CNIH3: variants seen among roughly 807,000 people sequenced by gnomAD.
The protein encoded by CNIH3 is cornichon family AMPA receptor auxiliary protein 3.
A neutral mutation model predicts 24.1 loss-of-function variants in CNIH3; 14 were observed. The observed-to-expected ratio is 0.58, with a 90% CI of 0.38 to 0.91. CNIH3 has a LOEUF of 0.91. Among genes scored for constraint, CNIH3 ranks in the 40% least tolerant of loss-of-function variants. The pLI, the probability that CNIH3 is intolerant of heterozygous loss-of-function variation, is 0.00. For missense variants in CNIH3, 178 were observed against 196.8 expected, an observed-to-expected ratio of 0.90 and a Z score of 0.57; for synonymous variants, 68 against 73.8, an observed-to-expected ratio of 0.92 and a Z score of 0.40.
At chr1:224,724,108 T>G (rs1172170924) in intron 3 of CNIH3, among the ~76,000 whole-genome samples, 1 of 152,236 alleles carries the variant, frequency 6.6e-6, no homozygotes, top group Non-Finnish European at 1.5e-5. Flanking sequence ...TATTCTGTGT[T>G]AAGTTGCTTA....
At chr1:224,632,822 A>C (rs2125080754) in intron 1 of CNIH3, among the ~76,000 whole-genome samples, 2 of 152,286 alleles carry the variant, frequency 1.3e-5, no homozygotes, top group South Asian at 4.1e-4. Flanking sequence ...AAATGTGTTC[A>C]GTTTTGACAT....
At position 224,679,465 on chromosome 1, in the gene CNIH3, G is replaced by T. The variant is rs543977773; in HGVS notation, c.82-1493G>T. Among the ~76,000 whole-genome samples the T allele has an allele frequency of 1.9e-3, 295 of 152,346 alleles. 1 individual carries two copies. Among genetic ancestry groups the T allele is most frequent in the Non-Finnish European group, 2.9e-3 (200 of 68,030 alleles). On this transcript the variant is annotated intron_variant, in intron 1 of 5. Transcript: ENST00000272133. ...TAGTTTGCTGACCCTGGCTTAGGCT[G>T]TGGGTGGAAGCTTCAGGGAGTCATA...
chr1:224,696,753 T>A (rs1203811679), intron 3 of CNIH3, among the ~76,000 whole-genome samples: 2 of 148,976 alleles, frequency 1.3e-5, no homozygotes, highest in Non-Finnish European at 3.0e-5. Context: ...TTGGTTGTTA[T>A]GTGCTGAAGG....
chr1:224,480,056 G>T (rs1348924417), intron 1 of CNIH3, among the ~76,000 whole-genome samples: 2 of 152,114 alleles, frequency 1.3e-5, no homozygotes, highest in Non-Finnish European at 2.9e-5. Context: ...CTTCTGTCTG[G>T]GTATCCAGGT....
At chr1:224,589,442 A>G (rs1572535689), downstream of CNIH3, among the ~76,000 whole-genome samples, 1 of 152,192 alleles carries the variant, frequency 6.6e-6, no homozygotes, top group African/African-American at 2.4e-5. Flanking sequence ...GTACTTTTCT[A>G]TGTGCAGGCA....
intron 1 of CNIH3, among the ~76,000 whole-genome samples, chr1:224,647,960 G>A: frequency 6.6e-6 from 1 of 152,194 alleles, no homozygotes; most frequent in East Asian, 1.9e-4. Flanking sequence ...TTACGGGAAC[G>A]GGCAGGAATT....
chr1:224,613,678 G>A (rs1418490260), upstream of CNIH3, among the ~76,000 whole-genome samples: 2 of 152,038 alleles, frequency 1.3e-5, no homozygotes, highest in South Asian at 2.1e-4. Flanking sequence ...TTATTTACAC[G>A]TGTGTGGCAC....
chr1:224,447,397 TC>T (rs1487153396), intron 1 of CNIH3, among the ~76,000 whole-genome samples: 1 of 152,098 alleles, frequency 6.6e-6, no homozygotes, highest in Non-Finnish European at 1.5e-5. Context: ...TCCTTTTCTC[TC>T]CTTTTTTTGT....
At chr1:224,634,402 C>T (rs1248779666) in intron 1 of CNIH3, among the ~76,000 whole-genome samples, 2 of 152,052 alleles carry the variant, frequency 1.3e-5, no homozygotes, top group African/African-American at 4.8e-5. Context: ...AACCCCGTCT[C>T]TACTAAAAGT....
rs74511321 is a variant in CNIH3, at chr1:224,459,419, C to T, written n.203+24557C>T. ...TTATAACAGATAACGTGACCCTCAG[C>T]GATATCCCAAGTATTTTCCTGTTCT... is the stretch of plus-strand genomic sequence containing the variant. On this transcript the variant is annotated intron_variant and non_coding_transcript_variant, in intron 1 of 5. Transcript: ENST00000471578. Among the ~76,000 whole-genome samples, 670 of 152,262 alleles carry T rather than the reference C, an allele frequency of 4.4e-3. 1 individual carries two copies. The highest frequency in any genetic ancestry group is 6.4e-3 in the Non-Finnish European group (438 of 68,012).
chr1:224,640,836 C>T (rs149373601), intron 1 of CNIH3, among the ~76,000 whole-genome samples: 186 of 152,002 alleles, frequency 1.2e-3, no homozygotes, highest in African/African-American at 3.8e-3. Context: ...GCTGAGTGGT[C>T]GTTAAGGGGC....
intron 1 of CNIH3, among the ~76,000 whole-genome samples, chr1:224,494,678 C>T (rs1677363563): frequency 6.6e-6 from 1 of 152,142 alleles, no homozygotes; most frequent in African/African-American, 2.4e-5. Context: ...TTAAAGACCT[C>T]TTTGGGATTC....
chr1:224,565,366 A>T (rs557493670), intron 3 of CNIH3: 1 of 152,278 alleles, frequency 6.6e-6, no homozygotes, highest in Non-Finnish European at 1.5e-5. Context: ...GTGCAAAGAT[A>T]GATGAGCTGT....
chr1:224,467,196 T>C (rs1676183474), intron 1 of CNIH3, among the ~76,000 whole-genome samples: 1 of 152,108 alleles, frequency 6.6e-6, no homozygotes, highest in Non-Finnish European at 1.5e-5. Flanking sequence ...CAGCTAATTT[T>C]TTCTGTTTTT....
At chr1:224,461,229 G>A (rs186218963) in intron 1 of CNIH3, among the ~76,000 whole-genome samples, 6 of 151,860 alleles carry the variant, frequency 4.0e-5, no homozygotes, top group Admixed American at 6.6e-5. Flanking sequence ...TTTCGAACAC[G>A]TGACCTCAAG....
At chr1:224,627,470 C>T (rs888018855) in intron 1 of CNIH3, among the ~76,000 whole-genome samples, 8 of 152,130 alleles carry the variant, frequency 5.3e-5, no homozygotes, top group African/African-American at 9.7e-5. Context: ...GTGATCCTCC[C>T]GCCTCGGTCT....
At chr1:224,514,382 C>T (rs1678294449), upstream of CNIH3, among the ~76,000 whole-genome samples, 1 of 151,982 alleles carries the variant, frequency 6.6e-6, no homozygotes, top group Admixed American at 6.6e-5. Context: ...CACTCCAGCC[C>T]CCAGTTTTTG....
At chr1:224,452,585 T>G (rs900379086) in intron 1 of CNIH3, among the ~76,000 whole-genome samples, 38 of 149,096 alleles carry the variant, frequency 2.5e-4, no homozygotes, top group South Asian at 1.1e-3. Flanking sequence ...ATTGAGACCA[T>G]CCTGGCTAAC....
chr1:224,639,328 A>C (rs934640904), intron 1 of CNIH3, among the ~76,000 whole-genome samples: 3 of 152,260 alleles, frequency 2.0e-5, no homozygotes, highest in Non-Finnish European at 4.4e-5. Flanking sequence ...TCAGGCCTTG[A>C]AGGAGATTGG....
Sources: allele counts gnomAD v4.1 joint callset (sites outside exome capture counted in the v4.1 genomes callset), GRCh38; gene constraint gnomAD v4.1.1; transcripts MANE v1.5; gene names NCBI Gene and HGNC (gene_info 2026-07-23, HGNC 2026-07-21).